The following DIDO1 variants were observed in gnomAD, a reference collection of about 807,000 sequenced individuals.
The protein encoded by DIDO1 is death inducer-obliterator 1.
A neutral mutation model predicts 99.4 loss-of-function variants in DIDO1; 16 were observed. The ratio of observed to expected loss-of-function variants is 0.16; its 90% confidence interval spans 0.11 to 0.24. The LOEUF (loss-of-function observed/expected upper bound fraction) is 0.24, where lower values mean the gene tolerates loss of function less well. Among genes scored for constraint, DIDO1 ranks in the 10% least tolerant of loss-of-function variants. The pLI, the probability that DIDO1 is intolerant of heterozygous loss-of-function variation, is 1.00. For synonymous variants in DIDO1, 1,366 were observed against 1,239.1 expected (o/e 1.10, Z -2.15); for missense variants, 2,996 against 3,014.0 (o/e 0.99, Z 0.14).
chr20:62,890,038 T>C lies in DIDO1; in HGVS notation c.3541+922A>G. On this transcript the variant is annotated intron_variant, in intron 15 of 15. Transcript: ENST00000395343. ...GACCCCAGCTAGCTAGGGTGCGGCA[T>C]GAGGGGTGTGGGTGGGAACACCCTG... 6 of 985,590 alleles carry C rather than the reference T, an allele frequency of 6.1e-6. 1 individual carries two copies. The highest frequency in any genetic ancestry group is 7.2e-6 in the Non-Finnish European group (6 of 829,946). The allele number at this position is 985,590 out of a possible 1,614,324, so 61.1% of individuals were successfully genotyped here.
At chr20:62,885,108 C>A (rs767267057) in intron 15 of DIDO1, among the ~76,000 whole-genome samples, 1 of 152,252 alleles carries the variant, frequency 6.6e-6, no homozygotes, top group Non-Finnish European at 1.5e-5. Context: ...CTGGACCATA[C>A]ATCTGCAGAG....
rs2064475761 is a variant in DIDO1, at chr20:62,894,633, A to G, written c.2437-85T>C. On this transcript the variant is annotated intron_variant, in intron 10 of 15. Coordinates refer to ENST00000395343, the MANE Select transcript of DIDO1 (RefSeq NM_001193369.2). The surrounding 1 kb of genome is among the most constrained non-coding windows in gnomAD (Gnocchi z 4.4). ...AACCACACACAAGAAAAGCAGTCTC[A>G]TGGGATTGAGACCCACGGGGGAGAA... 1.9e-6 allele frequency: 3 copies of G among 1,545,010 alleles called. No individual in the cohort carries two copies. The highest frequency in any genetic ancestry group is 2.6e-6 in the Non-Finnish European group (3 of 1,148,968).
In DIDO1 at chr20:62,914,906, CTAA is replaced by C. The variant is rs1371919158; in HGVS notation, c.-199-503_-199-501del. Among the ~76,000 whole-genome samples the C allele has an allele frequency of 9.9e-5, 15 of 152,284 alleles. No individual in the cohort carries two copies. In the East Asian group the frequency reaches 2.3e-3, roughly 23 times the overall value. On this transcript the variant is annotated intron_variant, in intron 1 of 15. Transcript: ENST00000395343. ...TAAAAACAAGAAAAATTTTAGAATA[CTAA>C]TGTTTGTGACGTACTAAAATCAACA...
rs537871527 is a variant in DIDO1 at position 62,880,956 on chromosome 20, G to A, written c.5000C>T (p.Ala1667Val). 2 of 1,607,056 alleles carry A rather than the reference G, an allele frequency of 1.2e-6. No individual in the cohort carries two copies. Among genetic ancestry groups the A allele is most frequent in the Admixed American group, 1.7e-5 (1 of 59,966 alleles). ...RVLLPTPPCG[A>V]LQPGFPLQHD... ...CTGCAGCGGGAAGCCGGGCTGCAGG[G>A]CGCCGCAAGGCGGTGTGGGCAGCAG... The change falls in exon 16 of 16, where the codon GCC becomes GTC. Residue 1667 changes from alanine (A) to valine (V), a missense_variant. Physicochemically the swap from Ala to Val is moderately conservative, Grantham distance 64. Around this residue, in one of 5 missense-constraint regions of DIDO1, gnomAD observed 1,562 missense variants for 1,412.6 expected, o/e 1.11. Coordinates refer to ENST00000395343, the MANE Select transcript of DIDO1 (RefSeq NM_001193369.2).
At chr20:62,915,427 G>T (rs2065020620) in intron 1 of DIDO1, among the ~76,000 whole-genome samples, 1 of 152,144 alleles carries the variant, frequency 6.6e-6, no homozygotes, top group African/African-American at 2.4e-5. Flanking sequence ...ATTCAGAAAC[G>T]ACTGCTCAGA....
intron 12 of DIDO1, among the ~76,000 whole-genome samples, chr20:62,893,383 A>C (rs775571738): frequency 1.3e-5 from 2 of 152,248 alleles, no homozygotes; most frequent in East Asian, 1.9e-4. Flanking sequence ...ACTTTTGCCA[A>C]TTACTTACTT....
chr20:62,884,571 GCAC>G (rs1445426611), intron 15 of DIDO1, among the ~76,000 whole-genome samples: 1 of 152,194 alleles, frequency 6.6e-6, no homozygotes, highest in African/African-American at 2.4e-5. Context: ...ACTGCTTCAG[GCAC>G]CACCATGTAG....
Position 62,895,141 on chromosome 20 carries a change from C to T in DIDO1, c.2239G>A (p.Glu747Lys), listed in dbSNP as rs1340727094. 6 of 1,611,236 alleles carry T rather than the reference C, an allele frequency of 3.7e-6. No individual in the cohort carries two copies. The highest frequency in any genetic ancestry group is 5.1e-6 in the Non-Finnish European group (6 of 1,177,568). The change falls in exon 9 of 16, where the codon GAG (glutamate) becomes AAG (lysine). Residue 747 changes from glutamate to lysine, a missense_variant. This residue lies in a region of DIDO1 where 898 missense variants were observed against 972.7 expected (regional missense o/e 0.92). Transcript: ENST00000395343. The stretch of plus-strand genomic sequence containing the variant: ...ACAAGTTTCGCCAAAGAGATTTCCT[C>T]ACGCAGAACACGATGGAAGAGTCCC... Reference protein sequence around the residue: ...NQGLFHRVLREEISLAKLVRL... With the variant: ...NQGLFHRVLRKEISLAKLVRL...
chr20:62,909,365 C>A (rs939374712), intron 4 of DIDO1, among the ~76,000 whole-genome samples: 1 of 152,240 alleles, frequency 6.6e-6, no homozygotes, highest in Non-Finnish European at 1.5e-5. Flanking sequence ...ACCAGAACCA[C>A]GAGGCAGCTG....
At chr20:62,915,548 G>C (rs2065022778) in intron 1 of DIDO1, among the ~76,000 whole-genome samples, 1 of 152,164 alleles carries the variant, frequency 6.6e-6, no homozygotes, top group Non-Finnish European at 1.5e-5. Flanking sequence ...GAGTGCAGTG[G>C]CCCAATCATG....
At chr20:62,935,328 A>G (rs916025627) in intron 1 of DIDO1, among the ~76,000 whole-genome samples, 5 of 151,908 alleles carry the variant, frequency 3.3e-5, no homozygotes, top group Admixed American at 2.6e-4. Flanking sequence ...TCGTCACTCA[A>G]CAAATAAATA....
chr20:62,896,225 G>T lies in DIDO1; in HGVS notation c.2214+8C>A. The stretch of plus-strand genomic sequence containing the variant: ...GAATACTCCAATGCACCGACACCAG[G>T]CACACACCTGATTTTTAGGGTCCTT... On this transcript the variant is annotated splice_region_variant and intron_variant, in intron 8 of 15. Coordinates refer to ENST00000395343, the MANE Select transcript of DIDO1 (RefSeq NM_001193369.2). The surrounding 1 kb of genome is among the most constrained non-coding windows in gnomAD (Gnocchi z 4.4). The T allele has an allele frequency of 6.2e-7, 1 of 1,612,056 alleles. No homozygotes were observed. The highest frequency in any genetic ancestry group is 8.5e-7 in the Non-Finnish European group (1 of 1,179,214).
At position 62,882,061 on chromosome 20, in the gene DIDO1, C is replaced by T. The variant is rs751133319; in HGVS notation, c.3895G>A (p.Ala1299Thr). 9.9e-6 allele frequency: 16 copies of T among 1,613,350 alleles called. No individual in the cohort carries two copies. In the East Asian group the frequency reaches 3.6e-4, roughly 36 times the overall value. ...GCAGACGAAGCGGTGGAGGAAGCTG[C>T]CGTGGAGGCTGCCGCTGCTGTTGTG... ...AATTAAAAST[A>T]ASSTASSASK... Residue 1299 changes from alanine (A) to threonine (T), a missense_variant, in exon 16 of 16, where the codon GCA becomes ACA. By Grantham distance (58) the Ala-to-Thr change is moderately conservative (BLOSUM62 0). Transcript: ENST00000395343.
chr20:62,881,716 G>A lies in DIDO1; in HGVS notation c.4240C>T (p.Pro1414Ser), dbSNP rs143268485. The A allele has an allele frequency of 2.0e-5, 33 of 1,612,800 alleles. No individual in the cohort carries two copies. The highest frequency in any genetic ancestry group is 2.7e-5 in the Non-Finnish European group (32 of 1,180,012). Residue 1414 changes from proline to serine, a missense_variant, in exon 16 of 16, where the codon CCT becomes TCT. Pro to Ser is a moderately conservative substitution (Grantham distance 74, BLOSUM62 -1). Transcript: ENST00000395343. This position sits in a 1 kb window ranked among gnomAD's most constrained non-coding sequence, Gnocchi z 8.3. ...TCCCGCTCGGCTGCAGCTGCTTCAGGAGCCCTTTCCACCTCGTGGCGCCGC... is the reference window on the plus strand; with the variant it reads ...TCCCGCTCGGCTGCAGCTGCTTCAGAAGCCCTTTCCACCTCGTGGCGCCGC... ...RGRRHEVERA[P>S]EAAAAEREEV...
At position 62,881,479 on chromosome 20, in the gene DIDO1, G is replaced by A; in HGVS notation, c.4477C>T (p.Leu1493=). ...NKQIEEQKRQ[L]EEQEEALRQQ... Reference sequence around the variant, plus strand: ...CTGAGAGCTTCTTCTTGCTCCTCCAGCTGTCTCTTCTGCTCCTCGATCTGT... The same window carrying A: ...CTGAGAGCTTCTTCTTGCTCCTCCAACTGTCTCTTCTGCTCCTCGATCTGT... Residue 1493 remains leucine, a synonymous_variant, in exon 16 of 16, where the codon CTG becomes TTG. Transcript: ENST00000395343. This position sits in a 1 kb window ranked among gnomAD's most constrained non-coding sequence, Gnocchi z 8.3. The A allele has an allele frequency of 6.2e-7, 1 of 1,610,280 alleles. No individual in the cohort carries two copies.
In DIDO1 at chr20:62,878,646, G is replaced by C. The variant is rs1600891195; in HGVS notation, c.*587C>G. The C allele has an allele frequency of 6.6e-6, 1 of 152,300 alleles. No individual in the cohort carries two copies. The highest frequency in any genetic ancestry group is 6.5e-5 in the Admixed American group (1 of 15,302). 9.4% of individuals were successfully genotyped at this position (152,300 alleles called of 1,614,324 possible). On this transcript the variant is annotated 3_prime_UTR_variant, in exon 16 of 16. Transcript: ENST00000395343. ...ATCATGTTTTGGAAAAAATTGATAA[G>C]GTGATATATAAAATCTGAGCACGCT...
At chr20:62,887,332 T>C in intron 15 of DIDO1, 1 of 985,490 alleles carries the variant, frequency 1.0e-6, no homozygotes, top group South Asian at 4.7e-5. Context: ...ACATGAAAAC[T>C]GAAGAAATGC....
chr20:62,905,568 C>T, intron 6 of DIDO1: 2 of 1,551,038 alleles, frequency 1.3e-6, no homozygotes, highest in Non-Finnish European at 1.7e-6. Flanking sequence ...TGCAATCAGA[C>T]TGGGATGAAG....
At chr20:62,891,894 A>T in intron 14 of DIDO1, 93 bp downstream of exon 14, 1 of 1,005,744 alleles carries the variant, frequency 9.9e-7, no homozygotes, top group Non-Finnish European at 1.5e-6. Context: ...TAACATTTTA[A>T]GTGTTAACCC....
Sources: gnomAD v4.1 joint callset for allele counts (sites outside exome capture counted in the v4.1 genomes callset) on GRCh38, gnomAD v4.1.1 for gene constraint, gnomAD v4.1.1 regional missense constraint, Gnocchi (gnomAD v3.1) non-coding constraint, MANE v1.5 for transcripts, NCBI Gene and HGNC (gene_info 2026-07-23, HGNC 2026-07-21) for gene names.